Variants in SLC6A2 observed in about 807,000 individuals in gnomAD.
SLC6A2 encodes solute carrier family 6 member 2.
SLC6A2 carries 26 observed loss-of-function variants against 71.7 expected under a neutral mutation model. The ratio of observed to expected loss-of-function variants is 0.36; its 90% confidence interval spans 0.27 to 0.50. SLC6A2 has a LOEUF of 0.50. Among genes scored for constraint, SLC6A2 ranks in the 20% least tolerant of loss-of-function variants. The pLI is 0.96. For missense variants in SLC6A2, 581 were observed against 803.9 expected (o/e 0.72, Z 3.35); for synonymous variants, 363 against 337.9 (o/e 1.07, Z -0.82).
At chr16:55,696,182 C>A (rs749486926) in intron 8 of SLC6A2, 43 bp from the exon 9 acceptor site, 10 of 1,211,024 alleles carry the variant, frequency 8.3e-6, no homozygotes, top group Middle Eastern at 1.9e-4. Flanking sequence ...CAGCTCAGAC[C>A]AATGGTTTCA....
rs1235830773 is a variant in SLC6A2 at position 55,656,780 on chromosome 16, A to G, written c.86A>G (p.Lys29Arg). ...CCAGAGCAGCCCCTTCGGGCGCGCA[A>G]AACTGCGGAGCTGCTGGTGGTGAAG... ...TGPEQPLRAR[K>R]TAELLVVKER... Residue 29 changes from lysine to arginine, a missense_variant, in exon 2 of 15, where the codon AAA (lysine) becomes AGA (arginine). Physicochemically the swap from Lys to Arg is conservative, Grantham distance 26. Coordinates refer to ENST00000568943, the MANE Select transcript of SLC6A2 (RefSeq NM_001172501.3). The surrounding 1 kb of genome is among the most constrained non-coding windows in gnomAD (Gnocchi z 4.5). 1.9e-6 allele frequency: 3 copies of G among 1,613,216 alleles called. No individual in the cohort carries two copies. Among genetic ancestry groups the G allele is most frequent in the African/African-American group, 2.7e-5 (2 of 74,910 alleles).
intron 9 of SLC6A2, among the ~76,000 whole-genome samples, chr16:55,696,845 A>G (rs928656714): frequency 2.0e-5 from 3 of 152,116 alleles, no homozygotes; most frequent in African/African-American, 2.4e-5. Flanking sequence ...TTAGCTGAGC[A>G]TGGTGTTGTA....
At chr16:55,670,751 A>T (rs766529611) in intron 3 of SLC6A2, among the ~76,000 whole-genome samples, 1 of 152,180 alleles carries the variant, frequency 6.6e-6, no homozygotes, top group Non-Finnish European at 1.5e-5. Context: ...CCCAGAGAAG[A>T]TTCTCATTGG....
intron 5 of SLC6A2, among the ~76,000 whole-genome samples, chr16:55,691,227 G>T (rs1965610515): frequency 8.2e-6 from 1 of 122,212 alleles, no homozygotes; most frequent in South Asian, 3.6e-4. Flanking sequence ...GGAGGGGAGA[G>T]GGGGAGAGAG....
chr16:55,681,069 C>A (rs758826776), intron 4 of SLC6A2, among the ~76,000 whole-genome samples: 1 of 152,154 alleles, frequency 6.6e-6, no homozygotes, highest in Non-Finnish European at 1.5e-5. Flanking sequence ...ACCTTCACAG[C>A]GGAGTCTCCC....
At chr16:55,674,132 G>T (rs1965008489) in intron 4 of SLC6A2, among the ~76,000 whole-genome samples, 1 of 152,090 alleles carries the variant, frequency 6.6e-6, no homozygotes, top group Non-Finnish European at 1.5e-5. Context: ...CTGCCACCCA[G>T]GTAATGAGCA....
At position 55,703,390 on chromosome 16, in the gene SLC6A2, G is replaced by A. The variant is rs951471229; in HGVS notation, c.*1044G>A. ...GGATCCCACCTGGAGTGGACCAGGG[G>A]TCTTGAGAAATGGAGAGTTGGCTGC... On this transcript the variant is annotated 3_prime_UTR_variant, in exon 15 of 15. Coordinates refer to ENST00000568943, the MANE Select transcript of SLC6A2 (RefSeq NM_001172501.3). The A allele has an allele frequency of 5.5e-5, 54 of 985,388 alleles. No homozygotes were observed. The highest frequency in any genetic ancestry group is 6.5e-5 in the Non-Finnish European group (54 of 829,940). 61.0% of individuals were successfully genotyped at this position (985,388 alleles called of 1,614,324 possible).
At chr16:55,679,555 C>T (rs1001625165) in intron 4 of SLC6A2, among the ~76,000 whole-genome samples, 11 of 152,316 alleles carry the variant, frequency 7.2e-5, no homozygotes, top group African/African-American at 2.4e-4. Context: ...AATATGCGTA[C>T]GCCCTGCCAC....
intron 3 of SLC6A2, chr16:55,671,634 C>T (rs888141336): frequency 3.8e-5 from 21 of 557,336 alleles, no homozygotes; most frequent in African/African-American, 2.8e-4. Flanking sequence ...CTCATAGGAG[C>T]GCAACCCCTA....
At chr16:55,679,324 T>G (rs1340667775) in intron 4 of SLC6A2, among the ~76,000 whole-genome samples, 1 of 152,038 alleles carries the variant, frequency 6.6e-6, no homozygotes, top group Non-Finnish European at 1.5e-5. Flanking sequence ...CCTCCCAGGT[T>G]CAAGTGATTC....
rs143660234 is a variant in SLC6A2, at chr16:55,673,187, T to C, written c.644+1012T>C. On this transcript the variant is annotated intron_variant, in intron 4 of 14. Coordinates refer to ENST00000568943, the MANE Select transcript of SLC6A2 (RefSeq NM_001172501.3). ...TGTGAAATATTGATTTGAGTTTGTTTGTTGTTTTCTCATAATTAAACTGTG... is the reference window on the plus strand; with the variant it reads ...TGTGAAATATTGATTTGAGTTTGTTCGTTGTTTTCTCATAATTAAACTGTG... Among the ~76,000 whole-genome samples the C allele has an allele frequency of 1.3e-3, 192 of 152,342 alleles. 1 individual carries two copies. The highest frequency in any genetic ancestry group is 4.4e-3 in the African/African-American group (182 of 41,572).
In SLC6A2 at chr16:55,685,189, G is replaced by A. The variant is rs997591161; in HGVS notation, c.691G>A (p.Gly231Ser). 7.4e-6 allele frequency: 12 copies of A among 1,613,986 alleles called. No homozygotes were observed. The highest frequency in any genetic ancestry group is 2.2e-5 in the East Asian group (1 of 44,884). ...CGAGAGCAGCGGGATTCATGACATC[G>A]GCCTGCCCCAGTGGCAGCTCTTGCT... ...LHESSGIHDI[G>S]LPQWQLLLCL... Residue 231 changes from glycine (G) to serine (S), a missense_variant, in exon 5 of 15, where the codon GGC (glycine) becomes AGC (serine). By Grantham distance (56) the Gly-to-Ser change is moderately conservative (BLOSUM62 0). Coordinates refer to ENST00000568943, the MANE Select transcript of SLC6A2 (RefSeq NM_001172501.3).
At chr16:55,693,300 G>A (rs1264798780) in intron 6 of SLC6A2, among the ~76,000 whole-genome samples, 1 of 152,126 alleles carries the variant, frequency 6.6e-6, no homozygotes, top group African/African-American at 2.4e-5. Flanking sequence ...AACCCAGGGA[G>A]TGGAGGTTGC....
chr16:55,682,650 A>G (rs1281493098), intron 4 of SLC6A2, among the ~76,000 whole-genome samples: 2 of 152,206 alleles, frequency 1.3e-5, no homozygotes, highest in African/African-American at 4.8e-5. Flanking sequence ...TTGCAGAAAC[A>G]GGCAGGCTCT....
intron 5 of SLC6A2, among the ~76,000 whole-genome samples, chr16:55,690,852 A>G (rs4564560): frequency 0.45 from 68,943 of 152,010 alleles, 16,126 homozygotes; most frequent in East Asian, 0.71. Flanking sequence ...AAGGAATAGC[A>G]AGGAAACCTA....
In SLC6A2 at chr16:55,702,600, T is replaced by G; in HGVS notation, c.*254T>G. 1 of 1,407,694 alleles carries G rather than the reference T, an allele frequency of 7.1e-7. No homozygotes were observed. The highest frequency in any genetic ancestry group is 9.2e-7 in the Non-Finnish European group (1 of 1,081,750). 87.2% of individuals were successfully genotyped at this position (1,407,694 alleles called of 1,614,324 possible). On this transcript the variant is annotated 3_prime_UTR_variant, in exon 15 of 15. Transcript: ENST00000568943. ...GACTTCTGTTCTGTCCCCGCTGTTTTGGGGGAAGTCTCTCCCACTTTGGGA... is the reference window on the plus strand; with the variant it reads ...GACTTCTGTTCTGTCCCCGCTGTTTGGGGGGAAGTCTCTCCCACTTTGGGA...
At position 55,702,703 on chromosome 16, in the gene SLC6A2, C is replaced by A; in HGVS notation, c.*357C>A. 1 of 1,131,602 alleles carries A rather than the reference C, an allele frequency of 8.8e-7. No individual in the cohort carries two copies. The highest frequency in any genetic ancestry group is 1.1e-6 in the Non-Finnish European group (1 of 922,974). The allele number at this position is 1,131,602 out of a possible 1,614,324, so 70.1% of individuals were successfully genotyped here. On this transcript the variant is annotated 3_prime_UTR_variant, in exon 15 of 15. Coordinates refer to ENST00000568943, the MANE Select transcript of SLC6A2 (RefSeq NM_001172501.3). ...ACTTTGGGCACAGGAGTTCTTAGTC[C>A]ACCAAATCAGAGAGAGGATGGGCTT... is the stretch of plus-strand genomic sequence containing the variant.
chr16:55,671,461 A>C (rs1964909270), intron 3 of SLC6A2, among the ~76,000 whole-genome samples: 1 of 152,134 alleles, frequency 6.6e-6, no homozygotes, highest in African/African-American at 2.4e-5. Context: ...CGTTTCCTCA[A>C]TCCCCGGGCC....
intron 13 of SLC6A2, among the ~76,000 whole-genome samples, chr16:55,701,151 G>A (rs1426906151): frequency 1.3e-5 from 2 of 152,096 alleles, no homozygotes; most frequent in Non-Finnish European, 2.9e-5. Flanking sequence ...ATCAAGGGCA[G>A]GTAAACAAAA....
Sources: allele counts gnomAD v4.1 joint callset (sites outside exome capture counted in the v4.1 genomes callset), GRCh38; gene constraint gnomAD v4.1.1; non-coding constraint Gnocchi (gnomAD v3.1); transcripts MANE v1.5; gene names NCBI Gene and HGNC (gene_info 2026-07-23, HGNC 2026-07-21).